NAA16: variants seen among roughly 807,000 people sequenced by gnomAD.
NAA16 encodes the protein NARG1-like protein.
Under a neutral mutation model 110.3 loss-of-function variants are expected in NAA16, and 97 were observed. The ratio of observed to expected loss-of-function variants is 0.88; its 90% confidence interval spans 0.75 to 1.04. The LOEUF is 1.04. Among genes scored for constraint, NAA16 ranks in the 50% least tolerant of loss-of-function variants. The probability of loss-of-function intolerance (pLI) is 0.00; values close to 1 mark genes in which losing one functional copy is unlikely to be tolerated. For missense variants in NAA16, 1,017 were observed against 1,005.1 expected (o/e 1.01, Z -0.16); for synonymous variants, 372 against 330.6 (o/e 1.13, Z -1.36).
chr13:41,334,184 T>G (rs1325578274), intron 8 of NAA16, among the ~76,000 whole-genome samples: 1 of 152,154 alleles, frequency 6.6e-6, no homozygotes, highest in Non-Finnish European at 1.5e-5. Flanking sequence ...TCAAGAAACA[T>G]GATGCATCTT....
In NAA16 at chr13:41,325,747, A is replaced by C. The variant is rs752841425; in HGVS notation, c.587A>C (p.Gln196Pro). 6.2e-7 allele frequency: 1 copy of C among 1,603,856 alleles called. No individual in the cohort carries two copies. Among genetic ancestry groups the C allele is most frequent in the Non-Finnish European group, 8.5e-7 (1 of 1,171,984 alleles). Residue 196 changes from glutamine to proline, a missense_variant, in exon 6 of 20, where the codon CAG becomes CCG. By Grantham distance (76) the Gln-to-Pro change is moderately conservative. Coordinates refer to ENST00000379406, the MANE Select transcript of NAA16 (RefSeq NM_024561.5). ...DYEYSELILYQNQVMREADLL... is the reference protein window; with the variant it reads ...DYEYSELILYPNQVMREADLL... The stretch of plus-strand genomic sequence containing the variant: ...GAATATAGTGAATTGATATTATACC[A>C]GAATCAAGTGATGAGAGAGGCAGAT...
At chr13:41,316,228 C>G (rs1283750441) in intron 1 of NAA16, among the ~76,000 whole-genome samples, 1 of 151,978 alleles carries the variant, frequency 6.6e-6, no homozygotes, top group Non-Finnish European at 1.5e-5. Context: ...CTCCTGGGTT[C>G]AGGTGATTCT....
intron 13 of NAA16, 85 bp downstream of exon 13, chr13:41,362,244 C>A: frequency 7.1e-7 from 1 of 1,402,882 alleles, no homozygotes; most frequent in Non-Finnish European, 9.6e-7. Context: ...TCTGCCTCTT[C>A]TAACTTCTCT....
At chr13:41,318,259 A>G (rs1191929225) in intron 2 of NAA16, among the ~76,000 whole-genome samples, 1 of 150,950 alleles carries the variant, frequency 6.6e-6, no homozygotes, top group Non-Finnish European at 1.5e-5. Context: ...AGGCTGGAGT[A>G]CAGTGGCACA....
At chr13:41,328,872 A>G (rs759953688) in intron 7 of NAA16, 29 bp downstream of exon 7, 3 of 1,545,864 alleles carry the variant, frequency 1.9e-6, no homozygotes, top group Non-Finnish European at 2.7e-6. Context: ...CCTCTTTCTC[A>G]TAACTACTGA....
Position 41,353,909 on chromosome 13 carries a change from G to C in NAA16, c.1015-1235G>C, listed in dbSNP as rs530733794. 1.1e-4 allele frequency among the ~76,000 whole-genome samples: 16 copies of C among 152,076 alleles called. No homozygotes were observed. In the East Asian group the frequency reaches 3.1e-3, roughly 29 times the overall value. On this transcript the variant is annotated intron_variant, in intron 9 of 19. Transcript: ENST00000379406. ...TGAAGATAACACTTTCAGAACCATT[G>C]TTTTTAAATTAAACAATCTTTGTTT...
intron 9 of NAA16, among the ~76,000 whole-genome samples, chr13:41,350,623 TGTTTG>T (rs1566280310): frequency 3.3e-5 from 3 of 89,962 alleles, no homozygotes; most frequent in African/African-American, 1.5e-4. Context: ...TTTTTTTGTT[TGTTTG>T]TTTTTTTTAA....
intron 1 of NAA16, among the ~76,000 whole-genome samples, chr13:41,315,458 T>C (rs2041783098): frequency 6.6e-6 from 1 of 152,190 alleles, no homozygotes. Context: ...TATCCTTGCA[T>C]TGGACTAATG....
At chr13:41,341,006 C>T (rs1212502375) in intron 9 of NAA16, among the ~76,000 whole-genome samples, 1 of 152,170 alleles carries the variant, frequency 6.6e-6, no homozygotes, top group Non-Finnish European at 1.5e-5. Flanking sequence ...TTTGATTGCA[C>T]TGTGGTCTGA....
At chr13:41,317,043 T>G (rs1344282546) in intron 2 of NAA16, 113 bp downstream of exon 2, 1 of 696,974 alleles carries the variant, frequency 1.4e-6, no homozygotes, top group African/African-American at 1.8e-5. Context: ...TCTATTAGAG[T>G]GCATAAATGT....
chr13:41,373,151 A>G, intron 17 of NAA16: 1 of 933,090 alleles, frequency 1.1e-6, no homozygotes, highest in Non-Finnish European at 1.3e-6. Context: ...AAGAGATGGT[A>G]GAAATTAGTG....
At chr13:41,346,033 T>C (rs2042672398) in intron 9 of NAA16, among the ~76,000 whole-genome samples, 2 of 152,242 alleles carry the variant, frequency 1.3e-5, no homozygotes. Context: ...ATCTTTTTTT[T>C]CCTTTTGTTA....
Position 41,345,789 on chromosome 13 carries a change from G to T in NAA16, c.1014+9033G>T, listed in dbSNP as rs117052043. Among the ~76,000 whole-genome samples, 958 of 152,286 alleles carry T rather than the reference G, an allele frequency of 6.3e-3. 30 individuals carry two copies. The highest frequency in any genetic ancestry group is 0.049 in the Admixed American group (754 of 15,310). On this transcript the variant is annotated intron_variant, in intron 9 of 19. Coordinates refer to ENST00000379406, the MANE Select transcript of NAA16 (RefSeq NM_024561.5). ...AGGGTTTCACCATTTGCCCAGGCTG[G>T]TCTTAAATTCCTGGACTCAAGCAAT...
Position 41,331,223 on chromosome 13 carries a change from A to T in NAA16, c.812-51A>T, listed in dbSNP as rs751044713. ...TTTAGAAGTTTGTTAGCATTTTACCATAGATAAAAGTTTTGATGCTATGAA... is the reference window on the plus strand; with the variant it reads ...TTTAGAAGTTTGTTAGCATTTTACCTTAGATAAAAGTTTTGATGCTATGAA... On this transcript the variant is annotated intron_variant, in intron 7 of 19. Transcript: ENST00000379406. 7 of 1,085,450 alleles carry T rather than the reference A, an allele frequency of 6.4e-6. No individual in the cohort carries two copies. The Admixed American group carries it at 1.5e-4, about 23-fold the overall frequency. 67.2% of individuals were successfully genotyped at this position (1,085,450 alleles called of 1,614,324 possible).
Position 41,373,753 on chromosome 13 carries a change from G to T in NAA16, c.2272G>T (p.Ala758Ser), listed in dbSNP as rs774638885. 4 of 1,607,842 alleles carry T rather than the reference G, an allele frequency of 2.5e-6. No individual in the cohort carries two copies. Among genetic ancestry groups the T allele is most frequent in the Non-Finnish European group, 2.5e-6 (3 of 1,178,014 alleles). The change falls in exon 18 of 20, where the codon GCT becomes TCT. Residue 758 changes from alanine to serine, a missense_variant. By Grantham distance (99) the Ala-to-Ser change is moderately conservative. Transcript: ENST00000379406. ...SFNEDFLKRN[A>S]TSLQHLLSGA... is the part of the protein sequence containing the mutation. ...TAATGAGGATTTTCTGAAACGTAACGCTACCTCTCTTCAGCATCTACTTTC... is the reference window on the plus strand; with the variant it reads ...TAATGAGGATTTTCTGAAACGTAACTCTACCTCTCTTCAGCATCTACTTTC...
At chr13:41,355,372 T>C (rs2042954388) in intron 10 of NAA16, among the ~76,000 whole-genome samples, 156 bp downstream of exon 10, 1 of 152,214 alleles carries the variant, frequency 6.6e-6, no homozygotes, top group Non-Finnish European at 1.5e-5. Flanking sequence ...TCAATCTTAC[T>C]TAATTTAAAT....
chr13:41,316,902 G>A lies in NAA16; in HGVS notation c.111G>A (p.Leu37=). The change falls in exon 2 of 20, where the codon CTG becomes CTA. Residue 37 remains leucine (L), a synonymous_variant. Coordinates refer to ENST00000379406, the MANE Select transcript of NAA16 (RefSeq NM_024561.5). ...KNGLKFCKMI[L]SNPKFAEHGE... ...GCCTCAAGTTTTGCAAGATGATTCT[G>A]TCGAACCCAAAATTTGCTGAACATG... is the stretch of plus-strand genomic sequence containing the variant. 6.2e-7 allele frequency: 1 copy of A among 1,613,614 alleles called. No homozygotes were observed. Among genetic ancestry groups the A allele is most frequent in the Non-Finnish European group, 8.5e-7 (1 of 1,179,648 alleles).
intron 14 of NAA16, among the ~76,000 whole-genome samples, chr13:41,368,242 A>G (rs1173461021): frequency 1.3e-5 from 2 of 152,204 alleles, no homozygotes; most frequent in Non-Finnish European, 2.9e-5. Flanking sequence ...GAATGTTAAT[A>G]TCTAGGAATA....
intron 10 of NAA16, 128 bp from the exon 11 acceptor site, chr13:41,358,176 G>T (rs1278049827): frequency 1.3e-6 from 1 of 769,038 alleles, no homozygotes; most frequent in Non-Finnish European, 2.0e-6. Flanking sequence ...TTTGAAATTA[G>T]TAGTTTTTGC....
Sources: gnomAD v4.1 joint callset for allele counts (sites outside exome capture counted in the v4.1 genomes callset) on GRCh38, gnomAD v4.1.1 for gene constraint, MANE v1.5 for transcripts, NCBI Gene and HGNC (gene_info 2026-07-23, HGNC 2026-07-21) for gene names.